CABIN1: variants seen among roughly 807,000 people sequenced by gnomAD.
CABIN1 encodes the protein calcineurin-binding protein cabin-1.
Under a neutral mutation model 227.7 loss-of-function variants are expected in CABIN1, and 133 were observed. The ratio of observed to expected loss-of-function variants is 0.58; its 90% CI spans 0.51 to 0.67. The LOEUF (loss-of-function observed/expected upper bound fraction) is 0.67. Ranked by LOEUF, CABIN1 falls within the 30% of genes least tolerant of loss-of-function variation. The pLI is 0.00. For missense variants in CABIN1, 2,408 were observed against 2,852.5 expected (o/e 0.84, Z 3.55); for synonymous variants, 1,086 against 1,155.1 (o/e 0.94, Z 1.21).
chr22:24,045,999 C>T (rs2037850410), intron 6 of CABIN1, among the ~76,000 whole-genome samples: 1 of 152,208 alleles, frequency 6.6e-6, no homozygotes, highest in Admixed American at 6.5e-5. Context: ...TGCAGCGCCC[C>T]AGAAGGCAGG....
chr22:24,174,160 C>T (rs1317774282), intron 34 of CABIN1, among the ~76,000 whole-genome samples: 1 of 151,516 alleles, frequency 6.6e-6, no homozygotes, highest in Non-Finnish European at 1.5e-5. Flanking sequence ...GTTTTCCTCA[C>T]TCTGTTGCCC....
intron 18 of CABIN1, among the ~76,000 whole-genome samples, chr22:24,075,565 T>C (rs1260922773): frequency 6.6e-6 from 1 of 152,094 alleles, no homozygotes; most frequent in Non-Finnish European, 1.5e-5. Flanking sequence ...AGCAACATAG[T>C]GAAACCCTGT....
rs1556000422 is a variant in CABIN1 at position 24,166,652 on chromosome 22, CAGGGCCCA to C, written c.5025_5032del (p.Pro1676LeufsTer19). ...GTTTCTTTGTAGGGGTCAGAACGCC[CAGGGCCCA>C]AGGTCTGTGGCCTCCCCGGAGCCAG... On this transcript the variant is annotated frameshift_variant, in exon 32 of 37. Transcript: ENST00000263119. LOFTEE classifies it high-confidence loss of function. 6.2e-7 allele frequency: 1 copy of C among 1,612,690 alleles called. No homozygotes were observed. Among genetic ancestry groups the C allele is most frequent in the Non-Finnish European group, 8.5e-7 (1 of 1,179,972 alleles).
chr22:24,050,041 T>C (rs539899206), intron 7 of CABIN1, among the ~76,000 whole-genome samples: 1 of 152,196 alleles, frequency 6.6e-6, no homozygotes, highest in South Asian at 2.1e-4. Context: ...TAGCTGCCCT[T>C]CCCCACAGCC....
At chr22:24,079,085 T>C (rs948903861) in intron 19 of CABIN1, among the ~76,000 whole-genome samples, 3 of 152,200 alleles carry the variant, frequency 2.0e-5, no homozygotes, top group Non-Finnish European at 4.4e-5. Context: ...TATATCATGC[T>C]CTTAAACTTT....
intron 1 of CABIN1, among the ~76,000 whole-genome samples, chr22:24,029,583 T>G (rs1221631928): frequency 2.0e-5 from 3 of 151,394 alleles, no homozygotes; most frequent in Non-Finnish European, 4.4e-5. Context: ...TAGTTGCTAG[T>G]AAAGGGGATT....
rs1460294413 is a variant in CABIN1, at chr22:24,072,432, C to A, written c.2554C>A (p.His852Asn). Residue 852 changes from histidine to asparagine, a missense_variant, in exon 18 of 37, where the codon CAC (histidine) becomes AAC (asparagine). Physicochemically the swap from His to Asn is moderately conservative, Grantham distance 68. Around this residue, in one of 3 missense-constraint regions of CABIN1, gnomAD observed 1,045 missense variants for 1,168.4 expected, o/e 0.89. Coordinates refer to ENST00000263119, the MANE Select transcript of CABIN1 (RefSeq NM_012295.4). Reference protein sequence around the residue: ...VSSVLPWIILHRIIWQEEDTF... With the variant: ...VSSVLPWIILNRIIWQEEDTF... ...TTCAGTGCTACCCTGGATCATTCTA[C>A]ACCGGATCATCTGGCAGGAGGAAGA... The A allele has an allele frequency of 1.2e-6, 2 of 1,614,212 alleles. No individual in the cohort carries two copies. Among genetic ancestry groups the A allele is most frequent in the Non-Finnish European group, 1.7e-6 (2 of 1,180,010 alleles).
chr22:24,084,924 G>C lies in CABIN1; in HGVS notation c.3118-82G>C. The C allele has an allele frequency of 2.5e-6, 4 of 1,592,056 alleles. No individual in the cohort carries two copies. The Admixed American group carries it at 6.7e-5, about 27-fold the overall frequency. On this transcript the variant is annotated intron_variant, in intron 21 of 36. Transcript: ENST00000263119. ...CAGGAGAGGCTGGAGAGTCTGTCCT[G>C]TGACTAAACAGTCCTGGGTTTACTG...
intron 29 of CABIN1, among the ~76,000 whole-genome samples, chr22:24,159,096 C>T (rs923378990): frequency 6.6e-6 from 1 of 152,198 alleles, no homozygotes; most frequent in Admixed American, 6.5e-5. Context: ...CAGGAGTTCT[C>T]TGAGATTTCA....
chr22:24,036,238 C>T, intron 3 of CABIN1, 57 bp downstream of exon 3: 1 of 1,260,408 alleles, frequency 7.9e-7, no homozygotes, highest in Admixed American at 1.7e-5. Flanking sequence ...TAGAGGGAAC[C>T]TCATTTTAAA....
chr22:24,085,204 T>C, intron 22 of CABIN1, 53 bp downstream of exon 22: 1 of 1,603,646 alleles, frequency 6.2e-7, no homozygotes, highest in Non-Finnish European at 8.5e-7. Context: ...CTGGGGTGAC[T>C]CCAGCTCAGC....
intron 30 of CABIN1, 92 bp downstream of exon 30, chr22:24,164,655 T>C: frequency 7.1e-7 from 1 of 1,400,228 alleles, no homozygotes; most frequent in Non-Finnish European, 9.8e-7. Context: ...CTGGCCCAGC[T>C]GTGAGGACCA....
At position 24,167,063 on chromosome 22, in the gene CABIN1, C is replaced by T; in HGVS notation, c.5432C>T (p.Thr1811Ile). 6.5e-7 allele frequency: 1 copy of T among 1,545,028 alleles called. No homozygotes were observed. The highest frequency in any genetic ancestry group is 2.5e-5 in the East Asian group (1 of 40,802). ...ELSISARQQP[T>I]PLTPAQPAPA... ...AGCATCAGTGCCCGGCAGCAGCCCACCCCGCTCACCCCAGCCCAGCCAGCC... is the reference window on the plus strand; with the variant it reads ...AGCATCAGTGCCCGGCAGCAGCCCATCCCGCTCACCCCAGCCCAGCCAGCC... The change falls in exon 32 of 37, where the codon ACC becomes ATC. Residue 1811 changes from threonine to isoleucine, a missense_variant. Physicochemically the swap from Thr to Ile is moderately conservative, Grantham distance 89 (BLOSUM62 -1). Around this residue, in one of 3 missense-constraint regions of CABIN1, gnomAD observed 714 missense variants for 773.8 expected, o/e 0.92. Transcript: ENST00000263119.
At chr22:24,094,599 T>C (rs1002241737) in intron 24 of CABIN1, among the ~76,000 whole-genome samples, 3 of 151,342 alleles carry the variant, frequency 2.0e-5, no homozygotes, top group African/African-American at 7.3e-5. Context: ...GGGTGGATCA[T>C]GAGGTCAGGA....
chr22:24,079,056 C>G (rs1417300306), intron 19 of CABIN1, among the ~76,000 whole-genome samples: 2 of 152,028 alleles, frequency 1.3e-5, no homozygotes, highest in African/African-American at 4.8e-5. Flanking sequence ...AATTGCTTTA[C>G]AGGGTTCTAT....
Position 24,166,674 on chromosome 22 carries a change from C to T in CABIN1, c.5043C>T (p.Leu1681=), listed in dbSNP as rs1330884188. ...GCCCAGGGCCCAAGGTCTGTGGCCT[C>T]CCCGGAGCCAGGATGACCACCGATG... The part of the protein sequence containing the change: ...SERPGPKVCG[L]PGARMTTDVS... Residue 1681 remains leucine (L), a synonymous_variant, in exon 32 of 37, where the codon CTC becomes CTT. Transcript: ENST00000263119. 1 of 1,612,558 alleles carries T rather than the reference C, an allele frequency of 6.2e-7. No individual in the cohort carries two copies. The highest frequency in any genetic ancestry group is 2.2e-5 in the East Asian group (1 of 44,872).
chr22:24,135,937 G>A (rs2044368751), intron 29 of CABIN1, among the ~76,000 whole-genome samples: 1 of 152,156 alleles, frequency 6.6e-6, no homozygotes, highest in Non-Finnish European at 1.5e-5. Flanking sequence ...GTCAGAGTAG[G>A]AGCTTGAGAT....
chr22:24,156,069 G>T, intron 29 of CABIN1: 1 of 425,686 alleles, frequency 2.3e-6, no homozygotes, highest in Non-Finnish European at 4.2e-6. Context: ...CCACGGCGGA[G>T]CCGGCGGGTA....
chr22:24,085,835 G>A (rs1166040368), intron 22 of CABIN1, among the ~76,000 whole-genome samples: 1 of 152,178 alleles, frequency 6.6e-6, no homozygotes. Flanking sequence ...AAGGTCAAAA[G>A]GAGGCTACCC....
Sources: allele counts gnomAD v4.1 joint callset (sites outside exome capture counted in the v4.1 genomes callset), GRCh38; gene constraint gnomAD v4.1.1; regional missense constraint gnomAD v4.1.1; transcripts MANE v1.5; gene names NCBI Gene and HGNC (gene_info 2026-07-23, HGNC 2026-07-21).